The following SPSB1 variants were observed in gnomAD, a reference collection of about 807,000 sequenced individuals.
SPSB1 encodes SPRY domain-containing SOCS box protein 1.
Under a neutral mutation model 21.2 loss-of-function variants are expected in SPSB1, and 8 were observed. The ratio of observed to expected loss-of-function variants is 0.38; its 90% CI spans 0.22 to 0.68. The LOEUF (loss-of-function observed/expected upper bound fraction) is 0.68. Among genes scored for constraint, SPSB1 ranks in the 30% least tolerant of loss-of-function variants. The pLI is 0.53. For synonymous variants in SPSB1, 169 were observed against 161.7 expected, an observed-to-expected ratio of 1.05 and a Z score of -0.34; for missense variants, 242 against 377.8, an observed-to-expected ratio of 0.64 and a Z score of 2.98.
chr1:9,298,984 C>T (rs1417241009), intron 1 of SPSB1, among the ~76,000 whole-genome samples: 1 of 152,200 alleles, frequency 6.6e-6, no homozygotes, highest in Non-Finnish European at 1.5e-5. Flanking sequence ...AGATTAGCAC[C>T]ACCATCAAGG....
At chr1:9,322,937 T>C (rs1056394544) in intron 1 of SPSB1, among the ~76,000 whole-genome samples, 3 of 147,478 alleles carry the variant, frequency 2.0e-5, no homozygotes, top group Non-Finnish European at 4.5e-5. Context: ...CGTCTGGGCT[T>C]GCAAGGAGGT....
At chr1:9,334,490 G>C (rs1283695356) in intron 1 of SPSB1, among the ~76,000 whole-genome samples, 1 of 152,176 alleles carries the variant, frequency 6.6e-6, no homozygotes, top group African/African-American at 2.4e-5. Flanking sequence ...CAAAGTGCTG[G>C]AATTACAGGC....
At position 9,356,533 on chromosome 1, in the gene SPSB1, T is replaced by C. The variant is rs1295772378; in HGVS notation, c.642T>C (p.Ser214=). 6.2e-7 allele frequency: 1 copy of C among 1,607,448 alleles called. No homozygotes were observed. The highest frequency in any genetic ancestry group is 8.5e-7 in the Non-Finnish European group (1 of 1,174,738). ...LKGKKLYPVV[S]AVWGHCEIRM... is the part of the protein sequence containing the mutation. ...GCAAAAAACTGTATCCTGTAGTGAG[T>C]GCCGTCTGGGGCCACTGTGAGATCC... Residue 214 remains serine, a synonymous_variant, in exon 2 of 3, where the codon AGT becomes AGC. Coordinates refer to ENST00000328089, the MANE Select transcript of SPSB1 (RefSeq NM_025106.4). The surrounding 1 kb of genome is among the most constrained non-coding windows in gnomAD (Gnocchi z 7.4).
chr1:9,341,505 C>T (rs775007521), intron 1 of SPSB1, among the ~76,000 whole-genome samples: 1 of 152,232 alleles, frequency 6.6e-6, no homozygotes. Context: ...CCCTGAGGCA[C>T]ATTATTTGGA....
In SPSB1 at chr1:9,356,146, C is replaced by A; in HGVS notation, c.255C>A (p.Asp85Glu). The change falls in exon 2 of 3, where the codon GAC (aspartate) becomes GAA (glutamate). Residue 85 changes from aspartate to glutamate, a missense_variant. Physicochemically the swap from Asp to Glu is conservative, Grantham distance 45. Transcript: ENST00000328089. This position sits in a 1 kb window ranked among gnomAD's most constrained non-coding sequence, Gnocchi z 7.4. ...FHRHPVAQST[D>E]AIRGKVGYTR... The stretch of plus-strand genomic sequence containing the variant: ...GGCATCCGGTGGCCCAGAGCACGGA[C>A]GCTATCAGGGGCAAAGTCGGGTATA... 1 of 1,591,492 alleles carries A rather than the reference C, an allele frequency of 6.3e-7. No individual in the cohort carries two copies. Among genetic ancestry groups the A allele is most frequent in the Non-Finnish European group, 8.6e-7 (1 of 1,165,492 alleles).
rs1362705125 is a variant in SPSB1, at chr1:9,293,278, C to T, written c.-150+207C>T. ...CCCGCGGTGGCTCCGGGGGCGCCTC[C>T]CTCGCCGCGGCTCCTGGGAGAGGGG... On this transcript the variant is annotated intron_variant, in intron 1 of 2. Coordinates refer to ENST00000328089, the MANE Select transcript of SPSB1 (RefSeq NM_025106.4). This position sits in a 1 kb window ranked among gnomAD's most constrained non-coding sequence, Gnocchi z 5.1. 6.7e-6 allele frequency among the ~76,000 whole-genome samples: 1 copy of T among 149,024 alleles called. No homozygotes were observed. Among genetic ancestry groups the T allele is most frequent in the Non-Finnish European group, 1.5e-5 (1 of 66,798 alleles).
chr1:9,362,179 A>ACCCTCCCT (rs57888220), intron 2 of SPSB1, among the ~76,000 whole-genome samples: 2 of 138,240 alleles, frequency 1.4e-5, no homozygotes, highest in Non-Finnish European at 3.1e-5. Flanking sequence ...AGGGCCACCC[A>ACCCTCCCT]CCCTCCCTCC....
Position 9,293,057 on chromosome 1 carries a change from G to A in SPSB1, c.-164G>A, listed in dbSNP as rs1231374583. The stretch of plus-strand genomic sequence containing the variant: ...GGCCTTGGAGAGCAGCGGCGGCGGC[G>A]GCACCCCGGGCGCGGTAGGCGGCGC... On this transcript the variant is annotated 5_prime_UTR_variant, in exon 1 of 3. Coordinates refer to ENST00000328089, the MANE Select transcript of SPSB1 (RefSeq NM_025106.4). The surrounding 1 kb of genome is among the most constrained non-coding windows in gnomAD (Gnocchi z 5.1). The A allele has an allele frequency of 4.1e-6, 4 of 980,676 alleles. No individual in the cohort carries two copies. The highest frequency in any genetic ancestry group is 4.8e-6 in the Non-Finnish European group (4 of 827,178). 60.7% of individuals were successfully genotyped at this position (980,676 alleles called of 1,614,324 possible).
At chr1:9,349,351 C>A (rs1048794580) in intron 1 of SPSB1, among the ~76,000 whole-genome samples, 2 of 152,234 alleles carry the variant, frequency 1.3e-5, no homozygotes, top group Non-Finnish European at 1.5e-5. Context: ...GTGTCCTCTC[C>A]CTTTATCCCC....
At chr1:9,304,685 G>A (rs181708495) in intron 1 of SPSB1, among the ~76,000 whole-genome samples, 3 of 152,184 alleles carry the variant, frequency 2.0e-5, no homozygotes, top group Admixed American at 1.3e-4. Flanking sequence ...ACAGGCTGGG[G>A]GACTAGGTCC....
chr1:9,353,630 C>T (rs1433928456), intron 1 of SPSB1, among the ~76,000 whole-genome samples: 1 of 152,064 alleles, frequency 6.6e-6, no homozygotes, highest in Non-Finnish European at 1.5e-5. Flanking sequence ...TCAGAACCCT[C>T]TGTCTATGGC....
chr1:9,322,363 G>A (rs1367103176), intron 1 of SPSB1, among the ~76,000 whole-genome samples: 5 of 152,192 alleles, frequency 3.3e-5, no homozygotes, highest in South Asian at 2.1e-4. Flanking sequence ...GGATTAGAAC[G>A]CAGGGTTGTC....
At chr1:9,307,268 G>T (rs1639432862) in intron 1 of SPSB1, among the ~76,000 whole-genome samples, 1 of 152,122 alleles carries the variant, frequency 6.6e-6, no homozygotes, top group African/African-American at 2.4e-5. Flanking sequence ...AATGTAAAAT[G>T]AGCCATTTTA....
At chr1:9,335,312 G>T (rs1484995099) in intron 1 of SPSB1, among the ~76,000 whole-genome samples, 1 of 152,042 alleles carries the variant, frequency 6.6e-6, no homozygotes, top group Non-Finnish European at 1.5e-5. Flanking sequence ...GACCAGCCTG[G>T]CCAACATGGC....
At chr1:9,314,187 A>AC (rs397816441) in intron 1 of SPSB1, among the ~76,000 whole-genome samples, 2 of 150,698 alleles carry the variant, frequency 1.3e-5, no homozygotes, top group East Asian at 2.0e-4. Flanking sequence ...AAAAAAAAAA[A>AC]CAAAAAACAA....
chr1:9,362,565 G>A (rs574486739), intron 2 of SPSB1, among the ~76,000 whole-genome samples: 2 of 152,354 alleles, frequency 1.3e-5, no homozygotes, highest in Non-Finnish European at 2.9e-5. Flanking sequence ...TGCGGAAGCC[G>A]GGGCATTCTC....
intron 1 of SPSB1, among the ~76,000 whole-genome samples, chr1:9,333,786 C>T (rs1186103273): frequency 3.9e-5 from 6 of 152,152 alleles, no homozygotes; most frequent in Admixed American, 2.6e-4. Context: ...AAGGAGCCCA[C>T]GGGCCAAATC....
intron 1 of SPSB1, among the ~76,000 whole-genome samples, chr1:9,323,537 G>A (rs1639759975): frequency 6.6e-6 from 1 of 152,212 alleles, no homozygotes; most frequent in Non-Finnish European, 1.5e-5. Context: ...CTGGAGCCCT[G>A]TCCACAAGCA....
rs1387950000 is a variant in SPSB1, at chr1:9,293,171, G to A, written c.-150+100G>A. Reference sequence around the variant, plus strand: ...CGAGGGCGGACGCGGGGATCGCGCCGCTGGGGGACCGAGTGGGTGGCGCGG... The same window carrying A: ...CGAGGGCGGACGCGGGGATCGCGCCACTGGGGGACCGAGTGGGTGGCGCGG... On this transcript the variant is annotated intron_variant, in intron 1 of 2. Coordinates refer to ENST00000328089, the MANE Select transcript of SPSB1 (RefSeq NM_025106.4). The surrounding 1 kb of genome is among the most constrained non-coding windows in gnomAD (Gnocchi z 5.1). 2 of 967,374 alleles carry A rather than the reference G, an allele frequency of 2.1e-6. No homozygotes were observed. The highest frequency in any genetic ancestry group is 3.6e-5 in the African/African-American group (2 of 56,306). The allele number at this position is 967,374 out of a possible 1,614,324, so 59.9% of individuals were successfully genotyped here.
Sources: gnomAD v4.1 joint callset for allele counts (sites outside exome capture counted in the v4.1 genomes callset) on GRCh38, gnomAD v4.1.1 for gene constraint, Gnocchi (gnomAD v3.1) non-coding constraint, MANE v1.5 for transcripts, NCBI Gene and HGNC (gene_info 2026-07-23, HGNC 2026-07-21) for gene names.